The following ASIC2 variants were observed in gnomAD, a reference collection of about 807,000 sequenced individuals.
ASIC2 encodes acid-sensing ion channel 2.
Under a neutral mutation model 57.3 loss-of-function variants are expected in ASIC2, and 25 were observed. That is an observed-to-expected ratio of 0.44 (90% CI 0.32 to 0.61). ASIC2 has a LOEUF of 0.61. Ranked by LOEUF, ASIC2 falls within the 20% of genes least tolerant of loss-of-function variation. The probability of loss-of-function intolerance (pLI) is 0.06; values close to 1 mark genes in which losing one functional copy is unlikely to be tolerated. For synonymous variants in ASIC2, 319 were observed against 307.5 expected (o/e 1.04, Z -0.39); for missense variants, 641 against 738.1 (o/e 0.87, Z 1.52).
At chr17:33,349,475 A>G (rs906790372) in intron 1 of ASIC2, among the ~76,000 whole-genome samples, 1 of 152,110 alleles carries the variant, frequency 6.6e-6, no homozygotes, top group African/African-American at 2.4e-5. Flanking sequence ...GTTGAAAAAC[A>G]GTTCTCCAGG....
intron 1 of ASIC2, among the ~76,000 whole-genome samples, chr17:33,543,722 A>G (rs1297042923): frequency 4.6e-5 from 7 of 152,134 alleles, no homozygotes; most frequent in Admixed American, 3.9e-4. Context: ...CTTATTACAC[A>G]AGCCTTGTTA....
intron 1 of ASIC2, among the ~76,000 whole-genome samples, chr17:33,701,290 C>A (rs66715168): frequency 0.1 from 15,641 of 152,122 alleles, 879 homozygotes; most frequent in East Asian, 0.16. Context: ...GGAATACCGA[C>A]CAATCTCTTG....
intron 1 of ASIC2, chr17:34,038,668 C>T: frequency 6.3e-7 from 1 of 1,589,918 alleles, no homozygotes; most frequent in Non-Finnish European, 8.6e-7. Flanking sequence ...CCAGCTCTGC[C>T]TGGATCTCTG....
chr17:33,928,662 G>A (rs1480441263), intron 1 of ASIC2, among the ~76,000 whole-genome samples: 2 of 152,106 alleles, frequency 1.3e-5, no homozygotes, highest in East Asian at 1.9e-4. Context: ...CACTTCAGGG[G>A]TACATGGGGG....
chr17:33,968,859 C>T (rs1366961470), intron 1 of ASIC2, among the ~76,000 whole-genome samples: 2 of 152,250 alleles, frequency 1.3e-5, no homozygotes, highest in Non-Finnish European at 2.9e-5. Context: ...GGGAGCTGGC[C>T]TGCCCCACAG....
At chr17:33,761,305 G>A (rs1910770698) in intron 1 of ASIC2, among the ~76,000 whole-genome samples, 1 of 152,162 alleles carries the variant, frequency 6.6e-6, no homozygotes, top group African/African-American at 2.4e-5. Flanking sequence ...AGTGGTGCTT[G>A]GATTGAATCT....
intron 5 of ASIC2, among the ~76,000 whole-genome samples, chr17:33,024,662 T>C (rs2091851922): frequency 6.6e-6 from 1 of 152,162 alleles, no homozygotes; most frequent in South Asian, 2.1e-4. Flanking sequence ...TTGGCCCCCA[T>C]CCATGCTGGG....
chr17:33,777,536 T>G (rs1911322957), intron 1 of ASIC2, among the ~76,000 whole-genome samples: 1 of 144,886 alleles, frequency 6.9e-6, no homozygotes, highest in Non-Finnish European at 1.5e-5. Context: ...ATGACACATC[T>G]GTTTGAACAA....
chr17:33,334,814 T>C (rs1318421432), intron 1 of ASIC2, among the ~76,000 whole-genome samples: 1 of 152,188 alleles, frequency 6.6e-6, no homozygotes, highest in African/African-American at 2.4e-5. Flanking sequence ...GTCGTCTTTT[T>C]GCAGGCAAGC....
chr17:34,024,274 C>T (rs1052619125), intron 1 of ASIC2, among the ~76,000 whole-genome samples: 1 of 152,228 alleles, frequency 6.6e-6, no homozygotes, highest in Non-Finnish European at 1.5e-5. Context: ...ATGTTCCCAA[C>T]AATGGCTCTT....
At chr17:33,923,458 G>T (rs574427525) in intron 1 of ASIC2, among the ~76,000 whole-genome samples, 1 of 152,302 alleles carries the variant, frequency 6.6e-6, no homozygotes, top group Non-Finnish European at 1.5e-5. Flanking sequence ...GGGTCATACA[G>T]GTTACCAAGG....
At chr17:33,997,522 T>C (rs1221215803) in intron 1 of ASIC2, among the ~76,000 whole-genome samples, 2 of 152,096 alleles carry the variant, frequency 1.3e-5, no homozygotes, top group African/African-American at 4.8e-5. Flanking sequence ...TTCTCATATA[T>C]GGTGTTTATT....
intron 1 of ASIC2, among the ~76,000 whole-genome samples, chr17:33,712,018 C>G (rs1363061187): frequency 1.3e-5 from 2 of 152,208 alleles, no homozygotes; most frequent in East Asian, 3.8e-4. Flanking sequence ...CAATCATCAT[C>G]CCCCTTTTCT....
intron 1 of ASIC2, chr17:33,834,712 A>G (rs1913219928): frequency 6.6e-6 from 1 of 152,202 alleles, no homozygotes; most frequent in South Asian, 2.1e-4. Flanking sequence ...AAAGACATTA[A>G]ATAACACAAT....
intron 1 of ASIC2, among the ~76,000 whole-genome samples, chr17:33,313,327 GAA>G (rs761725027): frequency 2.2e-5 from 3 of 139,006 alleles, no homozygotes; most frequent in Admixed American, 7.2e-5. Flanking sequence ...AACCCTGTTT[GAA>G]AAAAAAAAAA....
intron 3 of ASIC2, among the ~76,000 whole-genome samples, chr17:33,040,824 T>A (rs905827751): frequency 6.6e-6 from 1 of 152,184 alleles, no homozygotes; most frequent in Non-Finnish European, 1.5e-5. Context: ...CTCAACCTGA[T>A]GGACGTGTCC....
rs114816002 is a variant in ASIC2, at chr17:33,390,489, A to G, written c.556-278422T>C. On this transcript the variant is annotated intron_variant, in intron 1 of 9. Transcript: ENST00000359872. ...TTGTGGCTTAAAAAACTCACCATGT[A>G]TTATCTCAGAGTTTCTGTGCAATCC... Among the ~76,000 whole-genome samples, 1,169 of 152,288 alleles carry G rather than the reference A, an allele frequency of 7.7e-3. 21 individuals carry two copies. The highest frequency in any genetic ancestry group is 0.027 in the African/African-American group (1,102 of 41,552).
chr17:33,752,149 G>T (rs1181089539), intron 1 of ASIC2, among the ~76,000 whole-genome samples: 1 of 152,136 alleles, frequency 6.6e-6, no homozygotes, highest in East Asian at 1.9e-4. Context: ...CACAGAGTAG[G>T]GTCATTTTTC....
chr17:33,541,567 C>T (rs573089600), intron 1 of ASIC2, among the ~76,000 whole-genome samples: 58 of 152,266 alleles, frequency 3.8e-4, no homozygotes, highest in Non-Finnish European at 5.9e-4. Flanking sequence ...GGAGGCTCAA[C>T]GGAAACTCAG....
Sources: allele counts gnomAD v4.1 joint callset (sites outside exome capture counted in the v4.1 genomes callset), GRCh38; gene constraint gnomAD v4.1.1; transcripts MANE v1.5; gene names NCBI Gene and HGNC (gene_info 2026-07-23, HGNC 2026-07-21).